Variants in GATAD2A observed in about 807,000 individuals in gnomAD.
The protein encoded by GATAD2A is transcriptional repressor p66-alpha.
In GATAD2A, 12 loss-of-function variants were observed where a neutral mutation model predicts 68.5. The observed-to-expected ratio is 0.18, with a 90% confidence interval of 0.11 to 0.28. The LOEUF (loss-of-function observed/expected upper bound fraction) is 0.28. Among genes scored for constraint, GATAD2A ranks in the 10% least tolerant of loss-of-function variants. The pLI, the probability that GATAD2A is intolerant of heterozygous loss-of-function variation, is 1.00. For missense variants in GATAD2A, 755 were observed against 868.5 expected (o/e 0.87, Z 1.64); for synonymous variants, 410 against 375.3 (o/e 1.09, Z -1.07).
chr19:19,403,737 T>C (rs1303879641), upstream of GATAD2A, among the ~76,000 whole-genome samples: 1 of 152,196 alleles, frequency 6.6e-6, no homozygotes, highest in Non-Finnish European at 1.5e-5. Context: ...AGTGAGGTAA[T>C]AGTTTGCTTG....
At chr19:19,493,684 T>C (rs1378065720) in intron 4 of GATAD2A, among the ~76,000 whole-genome samples, 1 of 152,192 alleles carries the variant, frequency 6.6e-6, no homozygotes, top group African/African-American at 2.4e-5. Flanking sequence ...CAGGACTCTC[T>C]CTGCTCTGGC....
chr19:19,446,890 C>A (rs890693578), intron 1 of GATAD2A, among the ~76,000 whole-genome samples: 1 of 152,166 alleles, frequency 6.6e-6, no homozygotes, highest in Non-Finnish European at 1.5e-5. Context: ...TGATCATTAT[C>A]TTTTCTGTCA....
At chr19:19,424,342 G>C (rs989613310) in intron 1 of GATAD2A, among the ~76,000 whole-genome samples, 4 of 152,142 alleles carry the variant, frequency 2.6e-5, no homozygotes, top group Admixed American at 1.3e-4. Flanking sequence ...TGATTCTCCT[G>C]CTTCAGCGTC....
At chr19:19,391,314 A>G (rs2048829608) in intron 1 of GATAD2A, among the ~76,000 whole-genome samples, 1 of 152,130 alleles carries the variant, frequency 6.6e-6, no homozygotes, top group African/African-American at 2.4e-5. Flanking sequence ...TCCTGGAAAT[A>G]TACCCTCTCT....
intron 1 of GATAD2A, chr19:19,464,925 C>T (rs758249625): frequency 1.8e-5 from 5 of 281,510 alleles, no homozygotes; most frequent in African/African-American, 4.4e-5. Flanking sequence ...AGTCACCGCC[C>T]TCCTGGATTC....
At chr19:19,447,094 A>C (rs928256254) in intron 1 of GATAD2A, among the ~76,000 whole-genome samples, 1 of 152,188 alleles carries the variant, frequency 6.6e-6, no homozygotes, top group Non-Finnish European at 1.5e-5. Context: ...TGGGGGTGGA[A>C]GCCCACAAAC....
chr19:19,405,659 C>G (rs2050133218), upstream of GATAD2A: 1 of 151,904 alleles, frequency 6.6e-6, no homozygotes, highest in Non-Finnish European at 1.5e-5. Context: ...TCGTCAGGCC[C>G]CGCCCCTCGG....
upstream of GATAD2A, among the ~76,000 whole-genome samples, chr19:19,400,729 C>T (rs1356154218): frequency 2.6e-5 from 4 of 151,912 alleles, no homozygotes; most frequent in African/African-American, 9.7e-5. Context: ...GTAATCTCAC[C>T]ATGTAAACAT....
At chr19:19,477,450 G>C (rs887117280) in intron 2 of GATAD2A, among the ~76,000 whole-genome samples, 1 of 152,148 alleles carries the variant, frequency 6.6e-6, no homozygotes. Context: ...ATTCTAAAGA[G>C]AGCCATCAGT....
intron 1 of GATAD2A, among the ~76,000 whole-genome samples, chr19:19,425,014 A>G (rs1442930685): frequency 2.6e-5 from 4 of 151,656 alleles, no homozygotes; most frequent in African/African-American, 9.7e-5. Flanking sequence ...TGGAGGCCAA[A>G]GTAGGAGGAT....
chr19:19,434,254 C>T (rs2054074302), intron 1 of GATAD2A, among the ~76,000 whole-genome samples: 1 of 152,172 alleles, frequency 6.6e-6, no homozygotes, highest in Non-Finnish European at 1.5e-5. Context: ...GCACAGGACA[C>T]CTGCTTCTGA....
intron 2 of GATAD2A, among the ~76,000 whole-genome samples, chr19:19,477,171 G>A (rs2058727277): frequency 6.6e-6 from 1 of 152,162 alleles, no homozygotes; most frequent in Non-Finnish European, 1.5e-5. Flanking sequence ...CTGTGGCTGA[G>A]GCTCGGGCAG....
At chr19:19,478,133 A>G (rs1038266408) in intron 2 of GATAD2A, among the ~76,000 whole-genome samples, 7 of 152,206 alleles carry the variant, frequency 4.6e-5, no homozygotes, top group African/African-American at 9.6e-5. Flanking sequence ...TACATGGGCC[A>G]TGATACATCA....
At chr19:19,421,338 CCCCTGCCCCTATGG>C (rs2052394165) in intron 1 of GATAD2A, among the ~76,000 whole-genome samples, 3 of 152,302 alleles carry the variant, frequency 2.0e-5, no homozygotes, top group South Asian at 4.1e-4. Context: ...TGAACTAACG[CCCCTGCCCCTATGG>C]CCCTGCCCCT....
intron 2 of GATAD2A, among the ~76,000 whole-genome samples, chr19:19,482,072 A>C (rs990927891): frequency 6.6e-6 from 1 of 151,344 alleles, no homozygotes; most frequent in Non-Finnish European, 1.5e-5. Flanking sequence ...GTACCATTGC[A>C]CTCCAGCCTG....
intron 4 of GATAD2A, 88 bp downstream of exon 4, chr19:19,492,800 T>TG (rs2059891048): frequency 1.5e-6 from 2 of 1,368,694 alleles, no homozygotes. Context: ...GCCAGAAAGG[T>TG]GAAAGGGCTT....
chr19:19,504,940 A>G (rs1180195533), intron 11 of GATAD2A, among the ~76,000 whole-genome samples: 2 of 152,104 alleles, frequency 1.3e-5, no homozygotes, highest in Admixed American at 1.3e-4. Context: ...CTCCGTGCCC[A>G]GCTAAGATAG....
intron 1 of GATAD2A, among the ~76,000 whole-genome samples, chr19:19,407,956 C>T (rs1230042897): frequency 1.3e-5 from 2 of 152,204 alleles, no homozygotes; most frequent in Non-Finnish European, 2.9e-5. Context: ...TGCTTCTCAT[C>T]TTGGAAGGGC....
intron 4 of GATAD2A, among the ~76,000 whole-genome samples, chr19:19,493,254 CA>C (rs1315083000): frequency 6.6e-6 from 1 of 152,194 alleles, no homozygotes; most frequent in Non-Finnish European, 1.5e-5. Context: ...CTCACTTAGA[CA>C]ACAGGTGTCA....
Sources: allele counts gnomAD v4.1 joint callset (sites outside exome capture counted in the v4.1 genomes callset), GRCh38; gene constraint gnomAD v4.1.1; transcripts MANE v1.5; gene names NCBI Gene and HGNC (gene_info 2026-07-23, HGNC 2026-07-21).